Variants in ARSF observed in about 807,000 individuals in gnomAD.
ARSF encodes arylsulfatase F.
In ARSF, 33 loss-of-function variants were observed where a neutral mutation model predicts 35.4. That is an observed-to-expected ratio of 0.93 (90% CI 0.71 to 1.25). The LOEUF (loss-of-function observed/expected upper bound fraction) is 1.25, where lower values mean the gene tolerates loss of function less well. Among genes scored for constraint, ARSF ranks in the 50% most tolerant of loss-of-function variants. ARSF has a pLI of 0.00. For missense variants in ARSF, 501 were observed against 480.2 expected, an observed-to-expected ratio of 1.04 and a Z score of -0.40; for synonymous variants, 222 against 193.1, an observed-to-expected ratio of 1.15 and a Z score of -1.24.
intron 1 of ARSF, among the ~76,000 whole-genome samples, chrX:3,065,072 T>C (rs1296289860): frequency 9.0e-6 from 1 of 111,500 alleles, no homozygotes; most frequent in East Asian, 2.8e-4. Context: ...TAAGAAAACC[T>C]GGCACATAGA....
At chrX:3,106,776 A>G (rs757433726) in intron 9 of ARSF, among the ~76,000 whole-genome samples, 1 of 112,249 alleles carries the variant, frequency 8.9e-6, no homozygotes, top group Non-Finnish European at 1.9e-5. Flanking sequence ...AAGATAAAAC[A>G]GAGGACACCA....
intron 6 of ARSF, among the ~76,000 whole-genome samples, chrX:3,086,214 C>A (rs1388247837): frequency 9.0e-6 from 1 of 111,665 alleles, no homozygotes; most frequent in African/African-American, 3.3e-5. Flanking sequence ...ATATGATAAG[C>A]AATCCTATTC....
chrX:3,090,184 T>C (rs780332375), intron 7 of ARSF, among the ~76,000 whole-genome samples: 4 of 112,112 alleles, frequency 3.6e-5, no homozygotes, highest in Non-Finnish European at 7.5e-5. Flanking sequence ...ATAAATTTTA[T>C]TGTGTATTTT....
At chrX:3,058,200 T>TTTTTAC (rs1335495840) in intron 1 of ARSF, 2 of 112,631 alleles carry the variant, frequency 1.8e-5, no homozygotes, top group Admixed American at 9.4e-5. Context: ...TTACTGTCTG[T>TTTTTAC]TTTTTCTTTT....
At chrX:3,087,187 C>G (rs764569509) in intron 6 of ARSF, among the ~76,000 whole-genome samples, 2 of 112,086 alleles carry the variant, frequency 1.8e-5, no homozygotes, top group Non-Finnish European at 1.9e-5. Context: ...CACATGTTCA[C>G]AGGTTTTGAG....
At chrX:3,106,741 G>A (rs767483083) in intron 9 of ARSF, among the ~76,000 whole-genome samples, 5 of 112,459 alleles carry the variant, frequency 4.4e-5, no homozygotes, top group African/African-American at 6.5e-5. Context: ...GAACAAGAGT[G>A]TAGAATAGAC....
chrX:3,077,819 T>TTA (rs1569138572), intron 4 of ARSF, among the ~76,000 whole-genome samples: 30 of 23,724 alleles, frequency 1.3e-3, no homozygotes, highest in African/African-American at 4.1e-3. Context: ...TATTATTATT[T>TTA]TTGAAATGGA....
rs369480404 is a variant in ARSF at position 3,069,791 on chromosome X, A to G, written c.11+1680A>G. Among the ~76,000 whole-genome samples, 7 of 108,785 alleles carry G rather than the reference A, an allele frequency of 6.4e-5. No homozygotes were observed. In the East Asian group the frequency reaches 1.7e-3, roughly 27 times the overall value. 94.5% of individuals were successfully genotyped at this position (108,785 alleles called of 115,157 possible). A position where few individuals can be genotyped will look rare whatever the true frequency, so the allele number is the denominator to read the frequency against. On this transcript the variant is annotated intron_variant, in intron 2 of 10. Coordinates refer to ENST00000381127, the MANE Select transcript of ARSF (RefSeq NM_001201539.2). ...GAGTCAAAAAAGCTGACATATAAACATTGCATAGATTTATGGTGTACAACT... is the reference window on the plus strand; with the variant it reads ...GAGTCAAAAAAGCTGACATATAAACGTTGCATAGATTTATGGTGTACAACT...
chrX:3,098,157 G>T (rs940070511), intron 7 of ARSF, among the ~76,000 whole-genome samples: 1 of 108,364 alleles, frequency 9.2e-6, no homozygotes, highest in Admixed American at 1.0e-4. Context: ...TTGAGACAGG[G>T]TCTCACTGTG....
At chrX:3,102,318 ATG>A (rs2090382358) in intron 8 of ARSF, among the ~76,000 whole-genome samples, 1 of 111,793 alleles carries the variant, frequency 8.9e-6, no homozygotes, top group Non-Finnish European at 1.9e-5. Flanking sequence ...AGCCCATTAT[ATG>A]ATTCTTATGC....
intron 1 of ARSF, among the ~76,000 whole-genome samples, chrX:3,056,736 G>T (rs1013728886): frequency 1.8e-5 from 2 of 111,600 alleles, no homozygotes; most frequent in Non-Finnish European, 3.8e-5. Context: ...AACAAAATCT[G>T]TTTCACTCAA....
chrX:3,055,862 A>G (rs956023405), intron 1 of ARSF, among the ~76,000 whole-genome samples: 2 of 111,053 alleles, frequency 1.8e-5, no homozygotes, highest in Non-Finnish European at 3.8e-5. Context: ...TCCCTGACCA[A>G]TGCTCCCTCA....
At chrX:3,057,298 G>A (rs1053132405) in intron 1 of ARSF, among the ~76,000 whole-genome samples, 12 of 111,662 alleles carry the variant, frequency 1.1e-4, no homozygotes, top group African/African-American at 2.9e-4. Flanking sequence ...CTTTATTAGC[G>A]TTTTTTTCCC....
chrX:3,075,244 A>G (rs756930508), intron 3 of ARSF, among the ~76,000 whole-genome samples: 2 of 111,876 alleles, frequency 1.8e-5, no homozygotes, highest in Non-Finnish European at 3.8e-5. Context: ...GCACCCAGGT[A>G]TATGAACCCT....
At chrX:3,054,226 G>A (rs974841068) in intron 1 of ARSF, among the ~76,000 whole-genome samples, 1 of 110,928 alleles carries the variant, frequency 9.0e-6, no homozygotes, top group African/African-American at 3.3e-5. Context: ...TAAATCATGG[G>A]GCAGCTCTCC....
intron 4 of ARSF, among the ~76,000 whole-genome samples, chrX:3,079,849 C>G (rs1343551496): frequency 1.9e-5 from 2 of 105,913 alleles, no homozygotes; most frequent in Non-Finnish European, 3.9e-5. Flanking sequence ...ATCCCAGCTA[C>G]TCGGGAGGCT....
intron 9 of ARSF, among the ~76,000 whole-genome samples, chrX:3,106,137 T>C (rs375978492): frequency 6.2e-5 from 7 of 112,219 alleles, no homozygotes; most frequent in African/African-American, 2.3e-4. Flanking sequence ...CAGCTGTCCT[T>C]TCCTGCCTGC....
At chrX:3,087,780 T>C (rs2090258528) in intron 6 of ARSF, among the ~76,000 whole-genome samples, 1 of 111,040 alleles carries the variant, frequency 9.0e-6, no homozygotes, top group African/African-American at 3.3e-5. Flanking sequence ...GGCCTCTTCT[T>C]CTGTGCTTGT....
At chrX:3,093,775 G>C (rs1227270889) in intron 7 of ARSF, among the ~76,000 whole-genome samples, 2 of 111,755 alleles carry the variant, frequency 1.8e-5, no homozygotes, top group East Asian at 5.6e-4. Flanking sequence ...TGCTGGGTCA[G>C]AGGGTAGTTC....
Sources: gnomAD v4.1 joint callset for allele counts (sites outside exome capture counted in the v4.1 genomes callset) on GRCh38, gnomAD v4.1.1 for gene constraint, MANE v1.5 for transcripts, NCBI Gene and HGNC (gene_info 2026-07-23, HGNC 2026-07-21) for gene names.